PREX2: variants seen among roughly 807,000 people sequenced by gnomAD.
PREX2 encodes the protein phosphatidylinositol 3,4,5-trisphosphate-dependent Rac exchanger 2 protein.
Under a neutral mutation model 203.2 loss-of-function variants are expected in PREX2, and 107 were observed. The observed-to-expected ratio is 0.53, with a 90% confidence interval of 0.45 to 0.62. PREX2 has a LOEUF of 0.62. Among genes scored for constraint, PREX2 ranks in the 20% least tolerant of loss-of-function variants. The probability of loss-of-function intolerance (pLI) is 0.00; values close to 1 mark genes in which losing one functional copy is unlikely to be tolerated. For synonymous variants in PREX2, 672 were observed against 663.6 expected (o/e 1.01, Z -0.19); for missense variants, 1,777 against 1,955.9 (o/e 0.91, Z 1.72).
chr8:68,201,572 T>C (rs1026518487), intron 37 of PREX2, among the ~76,000 whole-genome samples: 5 of 152,210 alleles, frequency 3.3e-5, no homozygotes, highest in Non-Finnish European at 7.3e-5. Flanking sequence ...CACGTTCTTC[T>C]GCCTGCTTTT....
intron 35 of PREX2, among the ~76,000 whole-genome samples, chr8:68,157,687 G>C (rs1303423505): frequency 6.6e-6 from 1 of 151,994 alleles, no homozygotes; most frequent in Admixed American, 6.6e-5. Flanking sequence ...AAGAGAAGGG[G>C]TTAAATATGT....
At chr8:68,112,989 C>T (rs1175731993) in intron 25 of PREX2, among the ~76,000 whole-genome samples, 1 of 152,110 alleles carries the variant, frequency 6.6e-6, no homozygotes, top group Non-Finnish European at 1.5e-5. Context: ...TTATCAATGG[C>T]ACAAGGAGAA....
chr8:67,978,596 A>T (rs747711751), intron 1 of PREX2, among the ~76,000 whole-genome samples: 1 of 152,024 alleles, frequency 6.6e-6, no homozygotes, highest in East Asian at 1.9e-4. Context: ...AATACGCTTC[A>T]TCCATTCTAC....
chr8:68,024,879 C>G (rs1807670730), intron 4 of PREX2, among the ~76,000 whole-genome samples: 1 of 151,796 alleles, frequency 6.6e-6, no homozygotes, highest in Non-Finnish European at 1.5e-5. Flanking sequence ...TAATGCTGAC[C>G]TAATTCCAGT....
intron 1 of PREX2, among the ~76,000 whole-genome samples, chr8:67,975,272 GTTT>G (rs75276095): frequency 1.5e-4 from 15 of 96,818 alleles, no homozygotes; most frequent in African/African-American, 4.1e-4. Flanking sequence ...CACACGGCCT[GTTT>G]TTTTTTTTTT....
chr8:68,146,789 G>A (rs1374120899), intron 34 of PREX2, among the ~76,000 whole-genome samples: 8 of 152,098 alleles, frequency 5.3e-5, no homozygotes, highest in Non-Finnish European at 7.4e-5. Context: ...AATGTTTTCA[G>A]TATCAATGGG....
chr8:68,051,230 T>C (rs1808519406), intron 8 of PREX2, among the ~76,000 whole-genome samples: 1 of 152,258 alleles, frequency 6.6e-6, no homozygotes, highest in East Asian at 1.9e-4. Context: ...GTGTTCCCTG[T>C]GCTCTGTGGG....
chr8:67,961,107 A>G (rs1805622181), intron 1 of PREX2, among the ~76,000 whole-genome samples: 1 of 151,980 alleles, frequency 6.6e-6, no homozygotes, highest in South Asian at 2.1e-4. Context: ...CTGACATTTT[A>G]GTGTGATTAT....
At chr8:68,224,978 T>C (rs1269043004) in intron 39 of PREX2, among the ~76,000 whole-genome samples, 1 of 152,144 alleles carries the variant, frequency 6.6e-6, no homozygotes, top group Non-Finnish European at 1.5e-5. Context: ...CTTTCCCATA[T>C]GTGTTTGTAT....
At chr8:68,083,430 A>C in intron 18 of PREX2, 42 bp downstream of exon 18, 2 of 1,439,626 alleles carry the variant, frequency 1.4e-6, no homozygotes, top group Non-Finnish European at 1.9e-6. Flanking sequence ...AAAGTTATAC[A>C]TAGATAAGTA....
intron 37 of PREX2, among the ~76,000 whole-genome samples, chr8:68,208,440 G>T (rs1163593235): frequency 6.6e-6 from 1 of 151,568 alleles, no homozygotes; most frequent in Non-Finnish European, 1.5e-5. Context: ...GGAAGGTTGA[G>T]GCCACTGAAA....
Position 68,069,104 on chromosome 8 carries a change from C to T in PREX2, c.1411C>T (p.Pro471Ser). 1 of 1,573,420 alleles carries T rather than the reference C, an allele frequency of 6.4e-7. No homozygotes were observed. Among genetic ancestry groups the T allele is most frequent in the South Asian group, 1.2e-5 (1 of 84,670 alleles). ...TCGCTATGATGATGGAACATTTTAT[C>T]CAAGAAATGAGATGCAGGACGTGAT... ...RFRYDDGTFY[P>S]RNEMQDVISK... The change falls in exon 12 of 40, where the codon CCA (proline) becomes TCA (serine). Residue 471 changes from proline to serine, a missense_variant. By Grantham distance (74) the Pro-to-Ser change is moderately conservative. Coordinates refer to ENST00000288368, the MANE Select transcript of PREX2 (RefSeq NM_024870.4).
At chr8:68,153,134 C>A (rs1585831606) in intron 34 of PREX2, among the ~76,000 whole-genome samples, 1 of 152,360 alleles carries the variant, frequency 6.6e-6, no homozygotes, top group African/African-American at 2.4e-5. Flanking sequence ...TCTTGCTTCT[C>A]TCCCAATAAC....
intron 35 of PREX2, among the ~76,000 whole-genome samples, chr8:68,177,491 G>A (rs1399158601): frequency 6.6e-6 from 1 of 152,156 alleles, no homozygotes; most frequent in Non-Finnish European, 1.5e-5. Context: ...CCTGAGCCCA[G>A]GAGTTTGAGG....
chr8:68,179,185 T>C (rs1812037968), intron 35 of PREX2, among the ~76,000 whole-genome samples: 3 of 152,202 alleles, frequency 2.0e-5, no homozygotes, highest in African/African-American at 4.8e-5. Flanking sequence ...CAGTATAAAT[T>C]GTTACACAGT....
intron 37 of PREX2, among the ~76,000 whole-genome samples, chr8:68,210,577 T>C (rs1254024322): frequency 6.6e-6 from 1 of 152,204 alleles, no homozygotes; most frequent in Non-Finnish European, 1.5e-5. Context: ...TGTGAGTTAC[T>C]GAATCACCCT....
intron 35 of PREX2, among the ~76,000 whole-genome samples, chr8:68,161,717 A>G (rs1364492446): frequency 1.3e-5 from 2 of 152,012 alleles, no homozygotes; most frequent in Admixed American, 1.3e-4. Flanking sequence ...AAATTACTCT[A>G]TCTTTTCAAC....
At chr8:68,149,767 GT>G (rs925383845) in intron 34 of PREX2, among the ~76,000 whole-genome samples, 1 of 152,192 alleles carries the variant, frequency 6.6e-6, no homozygotes, top group Non-Finnish European at 1.5e-5. Flanking sequence ...TCTCTGAGAA[GT>G]GGAGCCCAAA....
chr8:68,086,644 C>T (rs888705370), intron 18 of PREX2, among the ~76,000 whole-genome samples: 1 of 152,144 alleles, frequency 6.6e-6, no homozygotes, highest in African/African-American at 2.4e-5. Context: ...TATCTGATTT[C>T]TGGCTTTCTT....
Sources: gnomAD v4.1 joint callset for allele counts (sites outside exome capture counted in the v4.1 genomes callset) on GRCh38, gnomAD v4.1.1 for gene constraint, MANE v1.5 for transcripts, NCBI Gene and HGNC (gene_info 2026-07-23, HGNC 2026-07-21) for gene names.